The following PATZ1 variants were observed in gnomAD, a reference collection of about 807,000 sequenced individuals.
PATZ1 encodes the protein POZ-, AT hook-, and zinc finger-containing protein 1.
In PATZ1, 9 loss-of-function variants were observed where a neutral mutation model predicts 46.2. The observed-to-expected ratio is 0.19, with a 90% confidence interval of 0.12 to 0.34. The LOEUF is 0.34. Ranked by LOEUF, PATZ1 falls within the 10% of genes least tolerant of loss-of-function variation. The pLI, the probability that PATZ1 is intolerant of heterozygous loss-of-function variation, is 1.00. For missense variants in PATZ1, 632 were observed against 923.0 expected (o/e 0.68, Z 4.08); for synonymous variants, 426 against 378.6 (o/e 1.13, Z -1.45).
At chr22:31,340,659 A>G (rs1489993066) in intron 2 of PATZ1, 1 of 1,018,874 alleles carries the variant, frequency 9.8e-7, no homozygotes, top group Non-Finnish European at 1.2e-6. Context: ...CCAAGGACAA[A>G]ACACACAAAG....
Position 31,345,039 on chromosome 22 carries a change from G to A in PATZ1, c.564C>T (p.Asp188=), listed in dbSNP as rs2049634164. The A allele has an allele frequency of 1.9e-6, 3 of 1,614,130 alleles. No individual in the cohort carries two copies. Among genetic ancestry groups the A allele is most frequent in the Non-Finnish European group, 2.5e-6 (3 of 1,180,028 alleles). The change falls in exon 1 of 5, where the codon GAC becomes GAT. Residue 188 remains aspartate (D), a synonymous_variant. Coordinates refer to ENST00000266269, the MANE Select transcript of PATZ1 (RefSeq NM_014323.3). This position sits in a 1 kb window ranked among gnomAD's most constrained non-coding sequence, Gnocchi z 7.4. ...CTGCCAAGGCTGCCCCGTTGGTCAT[G>A]TCCAAAGGGAAGCCCAAGTCCGAGG... ...PGTSDLGFPL[D]MTNGAALAAN...
At chr22:31,330,634 C>T (rs1278814661) in intron 3 of PATZ1, among the ~76,000 whole-genome samples, 1 of 152,212 alleles carries the variant, frequency 6.6e-6, no homozygotes, top group African/African-American at 2.4e-5. Context: ...TGCTTTAACC[C>T]ACTTATGCCT....
At position 31,328,495 on chromosome 22, in the gene PATZ1, C is replaced by T. The variant is rs971119393; in HGVS notation, c.1645+292G>A. ...CAGGGCTCTTCTTCTGCCCAGGGCCCGGGGCATCCCTGCAGGGCTCCAGAC... is the reference window on the plus strand; with the variant it reads ...CAGGGCTCTTCTTCTGCCCAGGGCCTGGGGCATCCCTGCAGGGCTCCAGAC... On this transcript the variant is annotated intron_variant, in intron 4 of 4. Coordinates refer to ENST00000266269, the MANE Select transcript of PATZ1 (RefSeq NM_014323.3). This position sits in a 1 kb window ranked among gnomAD's most constrained non-coding sequence, Gnocchi z 4.8. 3.3e-5 allele frequency among the ~76,000 whole-genome samples: 5 copies of T among 152,178 alleles called. No homozygotes were observed. Among genetic ancestry groups the T allele is most frequent in the African/African-American group, 4.8e-5 (2 of 41,450 alleles).
At chr22:31,341,695 G>T (rs1381373206) in intron 2 of PATZ1, 7 of 1,597,728 alleles carry the variant, frequency 4.4e-6, no homozygotes, top group Non-Finnish European at 6.0e-6. Context: ...TGGAAAAAGG[G>T]CAGAGAGTGC....
At position 31,345,807 on chromosome 22, in the gene PATZ1, A is replaced by C; in HGVS notation, c.-205T>G. 12 of 465,380 alleles carry C rather than the reference A, an allele frequency of 2.6e-5. No individual in the cohort carries two copies. Among genetic ancestry groups the C allele is most frequent in the Non-Finnish European group, 3.7e-5 (10 of 267,910 alleles). 28.8% of individuals were successfully genotyped at this position (465,380 alleles called of 1,614,324 possible). A position where few individuals can be genotyped will look rare whatever the true frequency, so the allele number is the denominator to read the frequency against. ...GACTGCGGGGTGCACCACCCCCCAC[A>C]TAGCCAACCCCCGCCCTCGCTGGAC... On this transcript the variant is annotated 5_prime_UTR_variant, in exon 1 of 5. It removes an upstream start codon present in the reference 5' UTR. Coordinates refer to ENST00000266269, the MANE Select transcript of PATZ1 (RefSeq NM_014323.3). This position sits in a 1 kb window ranked among gnomAD's most constrained non-coding sequence, Gnocchi z 7.4.
chr22:31,345,393 G>T lies in PATZ1; in HGVS notation c.210C>A (p.Phe70Leu). Residue 70 changes from phenylalanine (F) to leucine (L), a missense_variant, in exon 1 of 5, where the codon TTC becomes TTA. By Grantham distance (22) the Phe-to-Leu change is conservative. Around this residue, in one of 7 missense-constraint regions of PATZ1, gnomAD observed 62 missense variants for 67.9 expected, o/e 0.91. Coordinates refer to ENST00000266269, the MANE Select transcript of PATZ1 (RefSeq NM_014323.3). This position sits in a 1 kb window ranked among gnomAD's most constrained non-coding sequence, Gnocchi z 7.4. ...CTCCGCCGTCGCCCAACTGGGCGCT[G>T]AACACCGACTCAAAGTACTCGCTGC... is the stretch of plus-strand genomic sequence containing the variant. Reference protein sequence around the residue: ...AACSEYFESVFSAQLGDGGAA... With the variant: ...AACSEYFESVLSAQLGDGGAA... The T allele has an allele frequency of 1.2e-6, 2 of 1,610,294 alleles. No individual in the cohort carries two copies. Among genetic ancestry groups the T allele is most frequent in the Non-Finnish European group, 1.7e-6 (2 of 1,177,846 alleles).
intron 3 of PATZ1, among the ~76,000 whole-genome samples, chr22:31,333,068 A>G (rs772078001): frequency 1.3e-5 from 2 of 152,232 alleles, no homozygotes; most frequent in Non-Finnish European, 2.9e-5. Context: ...ATATGTCTGT[A>G]TGACAAAGCC....
chr22:31,328,732 C>T lies in PATZ1; in HGVS notation c.1645+55G>A, dbSNP rs2049399330. 1.9e-6 allele frequency: 3 copies of T among 1,566,974 alleles called. No individual in the cohort carries two copies. Among genetic ancestry groups the T allele is most frequent in the South Asian group, 2.2e-5 (2 of 89,972 alleles). On this transcript the variant is annotated intron_variant, in intron 4 of 4. Coordinates refer to ENST00000266269, the MANE Select transcript of PATZ1 (RefSeq NM_014323.3). The surrounding 1 kb of genome is among the most constrained non-coding windows in gnomAD (Gnocchi z 4.8). ...CCGCCTCCCCACGCCCAGCCCAGCG[C>T]CCCCACAACACAGTCTGCGCAGAGA...
At chr22:31,334,588 C>T (rs2049485007) in intron 3 of PATZ1, among the ~76,000 whole-genome samples, 1 of 152,186 alleles carries the variant, frequency 6.6e-6, no homozygotes. Context: ...AACATTGTTA[C>T]AAAGTGCAAG....
rs1444211310 is a variant in PATZ1, at chr22:31,335,786, C to T, written c.1413G>A (p.Gln471=). ...LACHEDKVPC[Q]VCGKYLRAAY... is the part of the protein sequence containing the mutation. ...CTGCCCGCAAGTACTTCCCACACAC[C>T]TGGCAGGGCACCTTGTCTTCATGAC... The change falls in exon 3 of 5, where the codon CAG becomes CAA. Residue 471 remains glutamine, a synonymous_variant. Transcript: ENST00000266269. 6.2e-7 allele frequency: 1 copy of T among 1,614,056 alleles called. No individual in the cohort carries two copies. Among genetic ancestry groups the T allele is most frequent in the African/African-American group, 1.3e-5 (1 of 74,908 alleles).
intron 3 of PATZ1, 110 bp downstream of exon 3, chr22:31,335,582 G>T: frequency 1.0e-6 from 1 of 958,620 alleles, no homozygotes; most frequent in Non-Finnish European, 1.6e-6. Context: ...GGAAGTAGGG[G>T]GTGGCTGTGC....
intron 2 of PATZ1, among the ~76,000 whole-genome samples, chr22:31,336,410 G>A (rs1349105842): frequency 3.9e-5 from 6 of 152,142 alleles, no homozygotes; most frequent in Admixed American, 1.3e-4. Flanking sequence ...ATAATTATTC[G>A]TAATATTTTC....
At position 31,335,682 on chromosome 22, in the gene PATZ1, G is replaced by A. The variant is rs2049500220; in HGVS notation, c.1507+10C>T. On this transcript the variant is annotated intron_variant, in intron 3 of 4. Coordinates refer to ENST00000266269, the MANE Select transcript of PATZ1 (RefSeq NM_014323.3). The stretch of plus-strand genomic sequence containing the variant: ...ATCCTCTGGAAGTGAGGAAACAGTG[G>A]GCAGATTACCTCGGTTACAGATACT... 6.2e-7 allele frequency: 1 copy of A among 1,612,242 alleles called. No homozygotes were observed. The highest frequency in any genetic ancestry group is 8.5e-7 in the Non-Finnish European group (1 of 1,178,524).
Position 31,331,750 on chromosome 22 carries a change from G to A in PATZ1, c.1508-2826C>T, listed in dbSNP as rs1043525994. Among the ~76,000 whole-genome samples the A allele has an allele frequency of 3.9e-5, 6 of 152,156 alleles. No homozygotes were observed. The East Asian group carries it at 5.8e-4, about 15-fold the overall frequency. On this transcript the variant is annotated intron_variant, in intron 3 of 4. Transcript: ENST00000266269. ...CAATCAAAAGGGGACAGAAAGGAGC[G>A]GGAGAGCACCAGGAATTATTATGTT...
chr22:31,345,763 G>C lies in PATZ1; in HGVS notation c.-161C>G. On this transcript the variant is annotated 5_prime_UTR_variant, in exon 1 of 5. Coordinates refer to ENST00000266269, the MANE Select transcript of PATZ1 (RefSeq NM_014323.3). This position sits in a 1 kb window ranked among gnomAD's most constrained non-coding sequence, Gnocchi z 7.4. Reference sequence around the variant, plus strand: ...GGTGCGCCGAGTGTACACGCCCCCAGCCCGGATCAGACTGTCTAGACTGCG... The same window carrying C: ...GGTGCGCCGAGTGTACACGCCCCCACCCCGGATCAGACTGTCTAGACTGCG... 1.4e-6 allele frequency: 1 copy of C among 696,948 alleles called. No homozygotes were observed. The highest frequency in any genetic ancestry group is 2.3e-6 in the Non-Finnish European group (1 of 431,580). 43.2% of individuals were successfully genotyped at this position (696,948 alleles called of 1,614,324 possible). A position where few individuals can be genotyped will look rare whatever the true frequency, so the allele number is the denominator to read the frequency against.
intron 3 of PATZ1, among the ~76,000 whole-genome samples, chr22:31,329,393 A>G (rs1257097764): frequency 6.6e-6 from 1 of 152,248 alleles, no homozygotes; most frequent in Admixed American, 6.5e-5. Flanking sequence ...AAACTGGACA[A>G]CAAACGAGAT....
chr22:31,339,084 T>G (rs1261929718), intron 2 of PATZ1, among the ~76,000 whole-genome samples: 1 of 152,208 alleles, frequency 6.6e-6, no homozygotes, highest in Non-Finnish European at 1.5e-5. Context: ...TGTCATGCTT[T>G]GCTACCTAAA....
rs936226800 is a variant in PATZ1, at chr22:31,326,701, A to C, written c.*190T>G. On this transcript the variant is annotated 3_prime_UTR_variant, in exon 5 of 5. Coordinates refer to ENST00000266269, the MANE Select transcript of PATZ1 (RefSeq NM_014323.3). ...CTCATTGATATTTCTGCAGAATATCAGATGAAAATCTATTTCTAAAGACCA... is the reference window on the plus strand; with the variant it reads ...CTCATTGATATTTCTGCAGAATATCCGATGAAAATCTATTTCTAAAGACCA... 1.1e-4 allele frequency: 67 copies of C among 584,240 alleles called. 2 individuals carry two copies. The South Asian group carries it at 1.2e-3, about 11-fold the overall frequency. The allele number at this position is 584,240 out of a possible 1,614,324, so 36.2% of individuals were successfully genotyped here.
chr22:31,344,904 G>C lies in PATZ1; in HGVS notation c.699C>G (p.Asp233Glu), dbSNP rs1367333739. The change falls in exon 1 of 5, where the codon GAC (aspartate) becomes GAG (glutamate). Residue 233 changes from aspartate (D) to glutamate (E), a missense_variant. Asp to Glu is a conservative substitution (Grantham distance 45). This residue lies in a region of PATZ1 where 279 missense variants were observed against 284.3 expected (regional missense o/e 0.98). Coordinates refer to ENST00000266269, the MANE Select transcript of PATZ1 (RefSeq NM_014323.3). ...QASLPVLPGV[D>E]RLPMVAGPLS... ...GGGGTCCAGCCACCATGGGCAAGCG[G>C]TCCACCCCAGGTAACACAGGCAAAG... The C allele has an allele frequency of 6.8e-6, 11 of 1,613,206 alleles. No homozygotes were observed. The highest frequency in any genetic ancestry group is 9.3e-6 in the Non-Finnish European group (11 of 1,179,998).
Sources: allele counts gnomAD v4.1 joint callset (sites outside exome capture counted in the v4.1 genomes callset), GRCh38; gene constraint gnomAD v4.1.1; regional missense constraint gnomAD v4.1.1; non-coding constraint Gnocchi (gnomAD v3.1); transcripts MANE v1.5; gene names NCBI Gene and HGNC (gene_info 2026-07-23, HGNC 2026-07-21).